Variants in ZNF764 observed in about 807,000 individuals in gnomAD.
ZNF764 encodes the protein zinc finger protein 764.
A neutral mutation model predicts 13.9 loss-of-function variants in ZNF764; 10 were observed. The ratio of observed to expected loss-of-function variants is 0.72; its 90% CI spans 0.44 to 1.22. The LOEUF (loss-of-function observed/expected upper bound fraction) is 1.22. ZNF764 is among the 50% of genes most tolerant of loss of function. ZNF764 has a pLI of 0.00. For missense variants in ZNF764, 647 were observed against 589.7 expected (o/e 1.10, Z -1.01); for synonymous variants, 313 against 255.1 (o/e 1.23, Z -2.16).
intron 1 of ZNF764, 69 bp from the exon 2 acceptor site, chr16:30,557,915 C>G (rs1247388859): frequency 1.9e-6 from 3 of 1,571,598 alleles, no homozygotes; most frequent in South Asian, 2.3e-5. Context: ...CCCCCAACTT[C>G]ACGCGCAGCT....
rs934629875 is a variant in ZNF764, at chr16:30,555,542, G to A, written c.876C>T (p.Gly292=). The change falls in exon 3 of 3, where the codon GGC becomes GGT. Residue 292 remains glycine, a synonymous_variant. Transcript: ENST00000395091. ...GETPFPCPDC[G]RAFAYPSDLR... is the part of the protein sequence containing the mutation. ...GGTCCGAGGGGTAGGCGAAGGCGCG[G>A]CCACAGTCCGGGCAGGGGAAGGGGG... The A allele has an allele frequency of 1.2e-5, 18 of 1,530,166 alleles. No individual in the cohort carries two copies. The highest frequency in any genetic ancestry group is 6.2e-5 in the Admixed American group (3 of 48,318). 94.8% of individuals were successfully genotyped at this position (1,530,166 alleles called of 1,614,324 possible).
intron 2 of ZNF764, 137 bp downstream of exon 2, chr16:30,557,596 G>T: frequency 7.7e-7 from 1 of 1,292,168 alleles, no homozygotes; most frequent in South Asian, 1.4e-5. Flanking sequence ...AGCCACGCAG[G>T]GGCTCAGCCT....
rs2051535487 is a variant in ZNF764 at position 30,554,998 on chromosome 16, C to A, written c.*196G>T. ...CTCAGCCCTGCCTCAGTAGAGGGGG[C>A]CTTGGAGAGCCCTGGGCAGTGGGGA... On this transcript the variant is annotated 3_prime_UTR_variant, in exon 3 of 3. Coordinates refer to ENST00000395091, the MANE Select transcript of ZNF764 (RefSeq NM_001172679.2). The A allele has an allele frequency of 3.2e-6, 2 of 620,710 alleles. No individual in the cohort carries two copies. The highest frequency in any genetic ancestry group is 2.6e-6 in the Non-Finnish European group (1 of 377,864). 38.5% of individuals were successfully genotyped at this position (620,710 alleles called of 1,614,324 possible). A position where few individuals can be genotyped will look rare whatever the true frequency, so the allele number is the denominator to read the frequency against.
intron 2 of ZNF764, among the ~76,000 whole-genome samples, chr16:30,556,607 T>A: frequency 6.6e-6 from 1 of 151,936 alleles, no homozygotes; most frequent in Admixed American, 6.6e-5. Flanking sequence ...CTCAAGGCGG[T>A]AATCCCAGCG....
rs1318180141 is a variant in ZNF764, at chr16:30,558,302, T to C, written c.-120A>G. On this transcript the variant is annotated 5_prime_UTR_variant, in exon 1 of 3. Coordinates refer to ENST00000395091, the MANE Select transcript of ZNF764 (RefSeq NM_001172679.2). ...GGCCCAAGGGAAGGAGGGAGGTTACTAGGGCCCCCGAGGGCGCACTAGAGG... is the reference window on the plus strand; with the variant it reads ...GGCCCAAGGGAAGGAGGGAGGTTACCAGGGCCCCCGAGGGCGCACTAGAGG... 5 of 1,248,256 alleles carry C rather than the reference T, an allele frequency of 4.0e-6. No homozygotes were observed. In the African/African-American group the frequency reaches 6.1e-5, roughly 15 times the overall value. 77.3% of individuals were successfully genotyped at this position (1,248,256 alleles called of 1,614,324 possible). A position where few individuals can be genotyped will look rare whatever the true frequency, so the allele number is the denominator to read the frequency against.
chr16:30,556,121 AAG>A lies in ZNF764; in HGVS notation c.311-16_311-15del. On this transcript the variant is annotated splice_polypyrimidine_tract_variant and intron_variant, in intron 2 of 2. Transcript: ENST00000395091. ...TGTTTCTGGAATCTGCTGAGAGATA[AAG>A]AGGGGAGAGTTCAGGCTCGGCTCAT... 6.2e-7 allele frequency: 1 copy of A among 1,609,370 alleles called. No homozygotes were observed.
Position 30,555,933 on chromosome 16 carries a change from C to T in ZNF764, c.485G>A (p.Cys162Tyr). 1 of 1,611,518 alleles carries T rather than the reference C, an allele frequency of 6.2e-7. No individual in the cohort carries two copies. Among genetic ancestry groups the T allele is most frequent in the South Asian group, 1.1e-5 (1 of 90,986 alleles). ...KAPHRGRPSLCAHPPVPRADQ... is the reference protein window; with the variant it reads ...KAPHRGRPSLYAHPPVPRADQ... ...AGCTCGGGGGACAGGGGGGTGGGCA[C>T]AGAGGGAGGGGCGTCCCCGGTGCGG... Residue 162 changes from cysteine to tyrosine, a missense_variant, in exon 3 of 3, where the codon TGT (cysteine) becomes TAT (tyrosine). By Grantham distance (194) the Cys-to-Tyr change is radical. Transcript: ENST00000395091.
rs762156887 is a variant in ZNF764, at chr16:30,555,333, C to T, written c.1085G>A (p.Trp362Ter). Reference sequence around the variant, plus strand: ...GCCCCCGGCCCCGGGCCGATGAACCCACTGGTGTTTGGCCACGGCTGACTT... The same window carrying T: ...GCCCCCGGCCCCGGGCCGATGAACCTACTGGTGTTTGGCCACGGCTGACTT... ...GQKSAVAKHQWVHRPGAGGHR... is the reference protein window; with the variant it reads ...GQKSAVAKHQ The change falls in exon 3 of 3, where the codon TGG becomes TAG. Residue 362 changes from tryptophan to a stop codon, truncating the protein, a stop_gained. Coordinates refer to ENST00000395091, the MANE Select transcript of ZNF764 (RefSeq NM_001172679.2). LOFTEE classifies it low-confidence loss of function (END_TRUNC). The T allele has an allele frequency of 6.2e-7, 1 of 1,608,626 alleles. No homozygotes were observed.
intron 1 of ZNF764, 58 bp from the exon 2 acceptor site, chr16:30,557,904 G>A: frequency 6.4e-7 from 1 of 1,571,734 alleles, no homozygotes; most frequent in Non-Finnish European, 8.6e-7. Flanking sequence ...CGGCCCCGGG[G>A]CCCCCAACTT....
At position 30,558,222 on chromosome 16, in the gene ZNF764, T is replaced by A; in HGVS notation, c.-40A>T. 1 of 1,503,718 alleles carries A rather than the reference T, an allele frequency of 6.7e-7. No individual in the cohort carries two copies. The highest frequency in any genetic ancestry group is 2.3e-5 in the East Asian group (1 of 42,700). The allele number at this position is 1,503,718 out of a possible 1,614,324, so 93.1% of individuals were successfully genotyped here. A position where few individuals can be genotyped will look rare whatever the true frequency, so the allele number is the denominator to read the frequency against. On this transcript the variant is annotated 5_prime_UTR_variant, in exon 1 of 3. Coordinates refer to ENST00000395091, the MANE Select transcript of ZNF764 (RefSeq NM_001172679.2). ...CCGACGACGGATCGGCTGCCTCCCC[T>A]GGCCTGGCCTGGGCCTGCGGAACCT...
chr16:30,557,360 TG>T (rs1245369098), intron 2 of ZNF764, among the ~76,000 whole-genome samples: 1 of 151,476 alleles, frequency 6.6e-6, no homozygotes, highest in African/African-American at 2.4e-5. Context: ...TTAGCTACTC[TG>T]GAGGCCCAGG....
rs2051538015 is a variant in ZNF764, at chr16:30,555,228, T to C, written c.1190A>G (p.Gln397Arg). 3.1e-6 allele frequency: 5 copies of C among 1,611,550 alleles called. No individual in the cohort carries two copies. In the Admixed American group the frequency reaches 5.0e-5, roughly 16 times the overall value. Residue 397 changes from glutamine (Q) to arginine (R), a missense_variant, in exon 3 of 3, where the codon CAG (glutamine) becomes CGG (arginine). Gln to Arg is a conservative substitution (Grantham distance 43). Coordinates refer to ENST00000395091, the MANE Select transcript of ZNF764 (RefSeq NM_001172679.2). Reference sequence around the variant, plus strand: ...CTCCTGGAATATCTCCGGGTACAGCTGGAAGCCCACGGGCGGGTCCAGGTC... The same window carrying C: ...CTCCTGGAATATCTCCGGGTACAGCCGGAAGCCCACGGGCGGGTCCAGGTC... The part of the protein sequence containing the change: ...HGDLDPPVGF[Q>R]LYPEIFQECG
rs1328287068 is a variant in ZNF764, at chr16:30,555,853, G to C, written c.565C>G (p.Leu189Val). ...CGKSFAWRST[L>V]VEHVYSHTGE... ...GTGTGACTGTAGACGTGCTCCACCAGTGTGGAGCGCCAGGCAAAGCTCTTC... is the reference window on the plus strand; with the variant it reads ...GTGTGACTGTAGACGTGCTCCACCACTGTGGAGCGCCAGGCAAAGCTCTTC... The change falls in exon 3 of 3, where the codon CTG (leucine) becomes GTG (valine). Residue 189 changes from leucine (L) to valine (V), a missense_variant. Physicochemically the swap from Leu to Val is conservative, Grantham distance 32. Transcript: ENST00000395091. 1.2e-6 allele frequency: 2 copies of C among 1,612,496 alleles called. No individual in the cohort carries two copies. Among genetic ancestry groups the C allele is most frequent in the Admixed American group, 1.7e-5 (1 of 59,982 alleles).
At chr16:30,556,472 G>A (rs1324665966) in intron 2 of ZNF764, among the ~76,000 whole-genome samples, 2 of 152,040 alleles carry the variant, frequency 1.3e-5, no homozygotes, top group East Asian at 1.9e-4. Context: ...AAAGGCTGAG[G>A]GCAAGAAATG....
Position 30,558,006 on chromosome 16 carries a change from G to C in ZNF764, c.177C>G (p.Tyr59Ter), listed in dbSNP as rs537695649. The change falls in exon 1 of 3, where the codon TAC becomes TAG. Residue 59 changes from tyrosine (Y) to a stop codon, truncating the protein, a stop_gained. Coordinates refer to ENST00000395091, the MANE Select transcript of ZNF764 (RefSeq NM_001172679.2). LOFTEE classifies it high-confidence loss of function. Reference protein sequence around the residue: ...ALYRDVMRETYGHLSALGIGG... With the variant: ...ALYRDVMRET ...TCTCACCGAGAGCGCTCAGGTGGCCGTAGGTCTCCCGCATCACGTCCCGGT... is the reference window on the plus strand; with the variant it reads ...TCTCACCGAGAGCGCTCAGGTGGCCCTAGGTCTCCCGCATCACGTCCCGGT... The C allele has an allele frequency of 2.5e-6, 4 of 1,607,216 alleles. No individual in the cohort carries two copies. Among genetic ancestry groups the C allele is most frequent in the Non-Finnish European group, 2.5e-6 (3 of 1,177,258 alleles).
intron 1 of ZNF764, 35 bp downstream of exon 1, chr16:30,557,952 G>T (rs1362551630): frequency 1.3e-6 from 2 of 1,578,680 alleles, no homozygotes; most frequent in Non-Finnish European, 1.7e-6. Flanking sequence ...GGCCTGTGGG[G>T]GCGCAGGGCT....
chr16:30,556,236 G>C (rs962724478), intron 2 of ZNF764, 129 bp from the exon 3 acceptor site: 10 of 1,077,770 alleles, frequency 9.3e-6, no homozygotes, highest in African/African-American at 3.1e-5. Context: ...AGTGACACCT[G>C]TTCCTCGGCT....
In ZNF764 at chr16:30,555,114, C is replaced by CT; in HGVS notation, c.*79dup. 1.3e-6 allele frequency: 2 copies of CT among 1,496,020 alleles called. No individual in the cohort carries two copies. The highest frequency in any genetic ancestry group is 1.8e-6 in the Non-Finnish European group (2 of 1,116,566). The allele number at this position is 1,496,020 out of a possible 1,614,324, so 92.7% of individuals were successfully genotyped here. ...TCTTGCCCTAGATTCTGGGACCTCC[C>CT]TGCAGGCCGCCGCAGAGGTTCGGGC... On this transcript the variant is annotated 3_prime_UTR_variant, in exon 3 of 3. Coordinates refer to ENST00000395091, the MANE Select transcript of ZNF764 (RefSeq NM_001172679.2).
At position 30,554,959 on chromosome 16, in the gene ZNF764, C is replaced by G. The variant is rs758219232; in HGVS notation, c.*235G>C. The G allele has an allele frequency of 1.8e-4, 95 of 525,900 alleles. No individual in the cohort carries two copies. The highest frequency in any genetic ancestry group is 2.4e-4 in the Non-Finnish European group (73 of 305,150). 32.6% of individuals were successfully genotyped at this position (525,900 alleles called of 1,614,324 possible). A position where few individuals can be genotyped will look rare whatever the true frequency, so the allele number is the denominator to read the frequency against. On this transcript the variant is annotated 3_prime_UTR_variant, in exon 3 of 3. Transcript: ENST00000395091. ...AGCTTTTGGTTCCCCTTATGTAGGTCTGGGGGTTCTCAACTCAGCCCTGCC... is the reference window on the plus strand; with the variant it reads ...AGCTTTTGGTTCCCCTTATGTAGGTGTGGGGGTTCTCAACTCAGCCCTGCC...
Sources: gnomAD v4.1 joint callset for allele counts (sites outside exome capture counted in the v4.1 genomes callset) on GRCh38, gnomAD v4.1.1 for gene constraint, MANE v1.5 for transcripts, NCBI Gene and HGNC (gene_info 2026-07-23, HGNC 2026-07-21) for gene names.